Variants in CHRM3 observed in about 807,000 individuals in gnomAD.
The protein encoded by CHRM3 is muscarinic acetylcholine receptor M3.
In CHRM3, 11 loss-of-function variants were observed where a neutral mutation model predicts 41.8. The ratio of observed to expected loss-of-function variants is 0.26; its 90% CI spans 0.17 to 0.44. CHRM3 has a LOEUF of 0.44. CHRM3 is among the 20% of genes least tolerant of loss of function. CHRM3 has a pLI of 1.00. For missense variants in CHRM3, 571 were observed against 745.4 expected (o/e 0.77, Z 2.72); for synonymous variants, 297 against 301.4 (o/e 0.99, Z 0.15).
At chr1:239,875,136 C>G (rs531468098) in intron 6 of CHRM3, among the ~76,000 whole-genome samples, 1 of 152,298 alleles carries the variant, frequency 6.6e-6, no homozygotes, top group South Asian at 2.1e-4. Flanking sequence ...TTAACGCCAG[C>G]TTTATTTAAA....
intron 1 of CHRM3, among the ~76,000 whole-genome samples, chr1:239,467,052 G>T (rs6681764): frequency 0.95 from 143,997 of 152,170 alleles, 68,614 homozygotes; most frequent in Non-Finnish European, 1. Context: ...TTTGCTGTCC[G>T]CTTTAAACAG....
intron 4 of CHRM3, among the ~76,000 whole-genome samples, chr1:239,648,598 C>G (rs76807132): frequency 3.9e-5 from 6 of 151,968 alleles, no homozygotes; most frequent in Non-Finnish European, 8.8e-5. Context: ...TGGAGAGGAG[C>G]GAGCAAAAGG....
At chr1:239,770,500 G>T (rs1190375142) in intron 5 of CHRM3, among the ~76,000 whole-genome samples, 1 of 152,188 alleles carries the variant, frequency 6.6e-6, no homozygotes. Flanking sequence ...TCAGAAGAAA[G>T]CTAAGAGCCT....
At chr1:239,843,880 TA>T (rs1674044310) in intron 6 of CHRM3, among the ~76,000 whole-genome samples, 1 of 151,806 alleles carries the variant, frequency 6.6e-6, no homozygotes, top group Admixed American at 6.6e-5. Flanking sequence ...TGTGTGTGTA[TA>T]TATATATACA....
At chr1:239,825,905 C>T (rs1672417668) in intron 5 of CHRM3, among the ~76,000 whole-genome samples, 1 of 152,010 alleles carries the variant, frequency 6.6e-6, no homozygotes, top group Non-Finnish European at 1.5e-5. Flanking sequence ...ATAGGTGCAA[C>T]AACATAGATG....
chr1:239,891,068 T>G (rs995931008), intron 6 of CHRM3, among the ~76,000 whole-genome samples: 1 of 152,148 alleles, frequency 6.6e-6, no homozygotes, highest in Non-Finnish European at 1.5e-5. Flanking sequence ...CAGGTGTACA[T>G]GGTTCTAAAT....
chr1:239,426,468 CA>C (rs11333335), intron 1 of CHRM3, among the ~76,000 whole-genome samples: 35,042 of 103,094 alleles, frequency 0.34, 4,037 homozygotes, highest in Middle Eastern at 0.45. Flanking sequence ...ACTCACCCCG[CA>C]AAAAAAAAAA....
At chr1:239,895,516 T>C (rs72760726) in intron 6 of CHRM3, among the ~76,000 whole-genome samples, 22,158 of 152,158 alleles carry the variant, frequency 0.15, 1,883 homozygotes, top group African/African-American at 0.24. Flanking sequence ...CATACATGCA[T>C]ATGTTTATTA....
At position 239,386,918 on chromosome 1, in the gene CHRM3, G is replaced by T. The variant is rs1332888205; in HGVS notation, c.-830G>T. The T allele has an allele frequency of 6.6e-6, 1 of 151,964 alleles. No homozygotes were observed. Among genetic ancestry groups the T allele is most frequent in the Non-Finnish European group, 1.5e-5 (1 of 67,978 alleles). 9.4% of individuals were successfully genotyped at this position (151,964 alleles called of 1,614,324 possible). On this transcript the variant is annotated 5_prime_UTR_variant, in exon 1 of 7. Coordinates refer to ENST00000676153, the MANE Select transcript of CHRM3 (RefSeq NM_001375978.1). ...GGTGCCGCGGCCGCTGCCCGGAGGCGGCATGTGACGCGCGGCCGCAGCTGC... is the reference window on the plus strand; with the variant it reads ...GGTGCCGCGGCCGCTGCCCGGAGGCTGCATGTGACGCGCGGCCGCAGCTGC...
At position 239,534,396 on chromosome 1, in the gene CHRM3, CA is replaced by C. The variant is rs1309832084; in HGVS notation, c.-421-11244del. On this transcript the variant is annotated intron_variant, in intron 2 of 6. Coordinates refer to ENST00000676153, the MANE Select transcript of CHRM3 (RefSeq NM_001375978.1). ...ACATATTTAATTTTCAAAGCGTATTCACAGAATATTACCTGTATTTAATTTG... is the reference window on the plus strand; with the variant it reads ...ACATATTTAATTTTCAAAGCGTATTCCAGAATATTACCTGTATTTAATTTG... Among the ~76,000 whole-genome samples, 7 of 152,194 alleles carry C rather than the reference CA, an allele frequency of 4.6e-5. No homozygotes were observed. The East Asian group carries it at 7.7e-4, about 17-fold the overall frequency.
intron 5 of CHRM3, among the ~76,000 whole-genome samples, chr1:239,729,940 T>C (rs968761890): frequency 6.6e-6 from 1 of 151,950 alleles, no homozygotes; most frequent in African/African-American, 2.4e-5. Context: ...AAAATACTCC[T>C]CTCTTTCTAA....
At chr1:239,650,520 T>C (rs890804244) in intron 4 of CHRM3, among the ~76,000 whole-genome samples, 1 of 152,228 alleles carries the variant, frequency 6.6e-6, no homozygotes, top group African/African-American at 2.4e-5. Context: ...CAGAAATTGG[T>C]AACTTTCTAA....
chr1:239,762,427 G>A (rs1010641194), intron 5 of CHRM3, among the ~76,000 whole-genome samples: 1 of 152,156 alleles, frequency 6.6e-6, no homozygotes, highest in Non-Finnish European at 1.5e-5. Context: ...CGGTTGCATA[G>A]AACAAAGTGT....
intron 5 of CHRM3, among the ~76,000 whole-genome samples, chr1:239,684,738 GAGAA>G (rs1380277862): frequency 1.3e-4 from 8 of 62,376 alleles, no homozygotes; most frequent in African/African-American, 4.8e-4. Context: ...AAAGGAAAGA[GAGAA>G]AGAAAGAGAA....
chr1:239,500,320 C>T lies in CHRM3; in HGVS notation c.-422+7513C>T, dbSNP rs181916933. Among the ~76,000 whole-genome samples the T allele has an allele frequency of 2.1e-3, 317 of 151,996 alleles. 1 individual carries two copies. Among genetic ancestry groups the T allele is most frequent in the African/African-American group, 7.2e-3 (297 of 41,474 alleles). On this transcript the variant is annotated intron_variant, in intron 2 of 6. Coordinates refer to ENST00000676153, the MANE Select transcript of CHRM3 (RefSeq NM_001375978.1). Reference sequence around the variant, plus strand: ...GATGAGTTCATGTCCTTTGCAGGGACGTGGATGAAGTTGGAAACCATCATT... The same window carrying T: ...GATGAGTTCATGTCCTTTGCAGGGATGTGGATGAAGTTGGAAACCATCATT...
intron 5 of CHRM3, among the ~76,000 whole-genome samples, chr1:239,825,039 A>G (rs951400955): frequency 3.9e-5 from 6 of 152,228 alleles, no homozygotes; most frequent in Non-Finnish European, 8.8e-5. Context: ...CTGCCAGTGC[A>G]CGTGCTGTGA....
intron 5 of CHRM3, among the ~76,000 whole-genome samples, chr1:239,680,378 GA>G: frequency 6.6e-6 from 1 of 152,246 alleles, no homozygotes; most frequent in South Asian, 2.1e-4. Flanking sequence ...AATGGAAGAA[GA>G]CTACAAAAGC....
intron 2 of CHRM3, among the ~76,000 whole-genome samples, chr1:239,542,825 A>C (rs1658909598): frequency 6.6e-6 from 1 of 152,210 alleles, no homozygotes; most frequent in South Asian, 2.1e-4. Context: ...TTGTCTCAAA[A>C]ATAGACATTT....
At chr1:239,810,319 T>C (rs1671019280) in intron 5 of CHRM3, among the ~76,000 whole-genome samples, 1 of 152,056 alleles carries the variant, frequency 6.6e-6, no homozygotes, top group South Asian at 2.1e-4. Flanking sequence ...CCATTGAAGC[T>C]CCGTTGCAGA....
Sources: allele counts gnomAD v4.1 joint callset (sites outside exome capture counted in the v4.1 genomes callset), GRCh38; gene constraint gnomAD v4.1.1; transcripts MANE v1.5; gene names NCBI Gene and HGNC (gene_info 2026-07-23, HGNC 2026-07-21).